Variants in SNX8 observed in about 807,000 individuals in gnomAD.
The protein encoded by SNX8 is sorting nexin-8.
SNX8 carries 25 observed loss-of-function variants against 51.6 expected under a neutral mutation model. That is an observed-to-expected ratio of 0.48 (90% CI 0.35 to 0.68). SNX8 has a LOEUF of 0.68. Ranked by LOEUF, SNX8 falls within the 30% of genes least tolerant of loss-of-function variation. SNX8 has a pLI of 0.00. For synonymous variants in SNX8, 324 were observed against 277.0 expected (o/e 1.17, Z -1.68); for missense variants, 695 against 624.0 (o/e 1.11, Z -1.21).
intron 5 of SNX8, among the ~76,000 whole-genome samples, chr7:2,268,642 T>C: frequency 1.1e-5 from 1 of 90,056 alleles, no homozygotes; most frequent in Admixed American, 1.1e-4. Flanking sequence ...GTCTGGGAGG[T>C]GAGGGGCGCC....
chr7:2,306,389 C>T (rs1162346211), intron 1 of SNX8, among the ~76,000 whole-genome samples: 6 of 152,134 alleles, frequency 3.9e-5, no homozygotes, highest in Admixed American at 6.6e-5. Context: ...GGATTACAGG[C>T]GTGAGCCACC....
upstream of SNX8, chr7:2,314,568 C>G: frequency 1.2e-6 from 1 of 816,934 alleles, no homozygotes; most frequent in Non-Finnish European, 1.5e-6. Context: ...GGGCCCGCCG[C>G]GCTCCTCGCC....
intron 1 of SNX8, among the ~76,000 whole-genome samples, chr7:2,346,737 C>CAAAAAAAAAAAAAA (rs143462126): frequency 1.1e-4 from 5 of 45,336 alleles, no homozygotes; most frequent in East Asian, 7.1e-4. Flanking sequence ...GACTCCGTCT[C>CAAAAAAAAAAAAAA]AAAAAAAAAA....
At chr7:2,284,323 T>C (rs894092761) in intron 1 of SNX8, among the ~76,000 whole-genome samples, 2 of 151,706 alleles carry the variant, frequency 1.3e-5, no homozygotes, top group Admixed American at 6.6e-5. Context: ...AGAGAAGGAA[T>C]TCGATCCCTT....
chr7:2,269,376 C>T (rs372974190), intron 5 of SNX8, among the ~76,000 whole-genome samples, 183 bp downstream of exon 5: 42 of 150,452 alleles, frequency 2.8e-4, no homozygotes, highest in East Asian at 2.1e-3. Flanking sequence ...ACAAACACTG[C>T]GGAAGGCCGC....
chr7:2,341,036 C>G (rs922628643), intron 1 of SNX8, among the ~76,000 whole-genome samples: 5 of 150,598 alleles, frequency 3.3e-5, no homozygotes, highest in African/African-American at 1.2e-4. Context: ...ATTAGCCAGG[C>G]ATGGTGGCAT....
intron 1 of SNX8, among the ~76,000 whole-genome samples, chr7:2,301,115 T>C (rs890562035): frequency 1.3e-5 from 2 of 152,212 alleles, no homozygotes; most frequent in South Asian, 2.1e-4. Context: ...CTAGCACAAT[T>C]GTCTAGGGTG....
intron 1 of SNX8, among the ~76,000 whole-genome samples, chr7:2,308,282 T>A (rs1333392880): frequency 6.6e-6 from 1 of 151,816 alleles, no homozygotes; most frequent in Non-Finnish European, 1.5e-5. Context: ...AGAGCCAGAA[T>A]TAAAAAAAGA....
At chr7:2,311,038 T>C (rs1162540269) in intron 1 of SNX8, among the ~76,000 whole-genome samples, 1 of 152,240 alleles carries the variant, frequency 6.6e-6, no homozygotes, top group South Asian at 2.1e-4. Context: ...CATTTGTCCA[T>C]GTATGGCATA....
At chr7:2,314,187 G>A in intron 1 of SNX8, 141 bp downstream of exon 1, 1 of 905,028 alleles carries the variant, frequency 1.1e-6, no homozygotes. Context: ...ACCTCCGAGG[G>A]ACTGGGGCGT....
At position 2,253,308 on chromosome 7, in the gene SNX8, C is replaced by T. The variant is rs1289515721; in HGVS notation, c.*1748G>A. 1 of 154,394 alleles carries T rather than the reference C, an allele frequency of 6.5e-6. No homozygotes were observed. Among genetic ancestry groups the T allele is most frequent in the Non-Finnish European group, 1.5e-5 (1 of 68,546 alleles). The allele number at this position is 154,394 out of a possible 1,614,324, so 9.6% of individuals were successfully genotyped here. On this transcript the variant is annotated 3_prime_UTR_variant, in exon 11 of 11. Transcript: ENST00000222990. ...AGAGGCCCCAGCACCTGATGCCCTC[C>T]ACGACTCCCCACAGCCTCTATGGTC...
intron 1 of SNX8, among the ~76,000 whole-genome samples, chr7:2,301,828 A>T (rs910077240): frequency 9.9e-5 from 15 of 152,034 alleles, no homozygotes; most frequent in Admixed American, 9.2e-4. Context: ...CTCATTACCA[A>T]ACCTCTGTAT....
At chr7:2,292,061 C>T (rs189453252) in intron 1 of SNX8, among the ~76,000 whole-genome samples, 104 of 152,262 alleles carry the variant, frequency 6.8e-4, no homozygotes, top group African/African-American at 2.4e-3. Context: ...GTCAGGAGTT[C>T]GACACCAGCC....
At chr7:2,334,414 A>T (rs1778788885) in intron 1 of SNX8, among the ~76,000 whole-genome samples, 1 of 151,662 alleles carries the variant, frequency 6.6e-6, no homozygotes, top group African/African-American at 2.4e-5. Flanking sequence ...AAAAAAAAAA[A>T]GTGCTGGGCA....
At chr7:2,271,002 G>C (rs997063374) in intron 4 of SNX8, among the ~76,000 whole-genome samples, 3 of 152,222 alleles carry the variant, frequency 2.0e-5, no homozygotes, top group African/African-American at 7.2e-5. Context: ...GGAGGGGCTG[G>C]CAGCTGCTTC....
intron 7 of SNX8, among the ~76,000 whole-genome samples, chr7:2,260,265 T>A (rs12537790): frequency 0.3 from 45,646 of 151,900 alleles, 8,198 homozygotes; most frequent in East Asian, 0.57. Context: ...GCCTGGCTAA[T>A]GTTTGTATTT....
intron 3 of SNX8, among the ~76,000 whole-genome samples, chr7:2,272,829 A>G (rs1795680997): frequency 6.6e-6 from 1 of 151,464 alleles, no homozygotes; most frequent in African/African-American, 2.4e-5. Context: ...ACAAACAAAA[A>G]TGGTATTTAA....
chr7:2,274,519 A>G (rs78792969), intron 3 of SNX8, among the ~76,000 whole-genome samples: 3,009 of 152,334 alleles, frequency 0.02, 40 homozygotes, highest in South Asian at 0.043. Flanking sequence ...AGGGGGACAC[A>G]GGCCTGGGGA....
chr7:2,274,495 A>C (rs958213295), intron 3 of SNX8, among the ~76,000 whole-genome samples: 4 of 152,198 alleles, frequency 2.6e-5, no homozygotes, highest in African/African-American at 7.2e-5. Flanking sequence ...CCGCCATCCC[A>C]AGCTCTGCAG....
Sources: gnomAD v4.1 joint callset for allele counts (sites outside exome capture counted in the v4.1 genomes callset) on GRCh38, gnomAD v4.1.1 for gene constraint, MANE v1.5 for transcripts, NCBI Gene and HGNC (gene_info 2026-07-23, HGNC 2026-07-21) for gene names.